Variants in POLR2F observed in about 807,000 individuals in gnomAD.
POLR2F encodes the protein DNA-directed RNA polymerases I, II, and III subunit RPABC2.
Under a neutral mutation model 22.7 loss-of-function variants are expected in POLR2F, and 12 were observed. That is an observed-to-expected ratio of 0.53 (90% CI 0.34 to 0.86). The LOEUF (loss-of-function observed/expected upper bound fraction) is 0.86, where lower values mean the gene tolerates loss of function less well. POLR2F is among the 40% of genes least tolerant of loss of function. The probability of loss-of-function intolerance (pLI) is 0.02; values close to 1 mark genes in which losing one functional copy is unlikely to be tolerated. For synonymous variants in POLR2F, 57 were observed against 66.0 expected (o/e 0.86, Z 0.66); for missense variants, 126 against 171.5 (o/e 0.73, Z 1.48).
chr22:38,004,602 T>C (rs1347705379), intron 1 of POLR2F, among the ~76,000 whole-genome samples: 1 of 151,938 alleles, frequency 6.6e-6, no homozygotes, highest in African/African-American at 2.4e-5. Flanking sequence ...ACTGGCTAAC[T>C]TGATTACCTC....
At chr22:38,037,590 T>G (rs933743015) in intron 5 of POLR2F, among the ~76,000 whole-genome samples, 1 of 131,346 alleles carries the variant, frequency 7.6e-6, no homozygotes, top group Non-Finnish European at 1.6e-5. Flanking sequence ...GGCCTCTTCC[T>G]ATCTCCTTTT....
At chr22:38,026,823 G>T (rs865903810), downstream of POLR2F, 1 of 97,764 alleles carries the variant, frequency 1.0e-5, no homozygotes, top group Non-Finnish European at 2.3e-5. Flanking sequence ...CCACCACACC[G>T]CCCACCGCCC....
chr22:38,001,694 G>A (rs2084771587), intron 1 of POLR2F, among the ~76,000 whole-genome samples: 1 of 151,964 alleles, frequency 6.6e-6, no homozygotes, highest in Non-Finnish European at 1.5e-5. Flanking sequence ...CACTATGCCT[G>A]ACTAATTTTT....
rs117973081 is a variant in POLR2F at position 38,006,949 on chromosome 22, C to A, written c.121-18920C>A. Among the ~76,000 whole-genome samples, 176 of 152,310 alleles carry A rather than the reference C, an allele frequency of 1.2e-3. 2 individuals are homozygous for A. The East Asian group carries it at 0.028, about 25-fold the overall frequency. On this transcript the variant is annotated intron_variant, in intron 1 of 2. Transcript: ENST00000333418. ...GTCCAAGTTTCCAGAGTGCACCCTG[C>A]ATCTGTCTTCTTGTAGAGCTTCTGG...
At chr22:37,999,994 G>T (rs776373534) in intron 1 of POLR2F, among the ~76,000 whole-genome samples, 1 of 152,152 alleles carries the variant, frequency 6.6e-6, no homozygotes, top group African/African-American at 2.4e-5. Flanking sequence ...TAGGCGAATC[G>T]CAGGGATCCC....
intron 3 of POLR2F, among the ~76,000 whole-genome samples, chr22:37,960,539 A>T (rs2145736987): frequency 6.6e-6 from 1 of 152,222 alleles, no homozygotes; most frequent in Middle Eastern, 3.4e-3. Context: ...CTGGGACTAC[A>T]GGCGCCCGCC....
chr22:37,972,266 G>C, downstream of POLR2F: 3 of 1,301,232 alleles, frequency 2.3e-6, no homozygotes, highest in Non-Finnish European at 3.0e-6. Context: ...CACCAGTACA[G>C]GGATAAGAGA....
At chr22:38,008,476 T>C (rs6000972) in intron 1 of POLR2F, among the ~76,000 whole-genome samples, 2,281 of 141,660 alleles carry the variant, frequency 0.016, 63 homozygotes, top group African/African-American at 0.057. Flanking sequence ...ACCTGGGAGG[T>C]GGAGGTTGCA....
upstream of POLR2F, chr22:37,983,419 G>C (rs766382685): frequency 1.9e-6 from 3 of 1,611,292 alleles, no homozygotes; most frequent in Non-Finnish European, 2.5e-6. This position sits in a 1 kb window ranked among gnomAD's most constrained non-coding sequence, Gnocchi z 9.5. Flanking sequence ...ACTGGTCCGC[G>C]AGCTTCCTGC....
chr22:38,006,293 G>GGGCAGCGAACCAGTGAGCGA (rs2084820651), intron 1 of POLR2F, among the ~76,000 whole-genome samples: 1 of 152,216 alleles, frequency 6.6e-6, no homozygotes, highest in Non-Finnish European at 1.5e-5. Context: ...GACATATGGA[G>GGGCAGCGAACCAGTGAGCGA]GGCAGCGAAC....
chr22:38,020,614 C>T (rs111638436), intron 1 of POLR2F, among the ~76,000 whole-genome samples: 3,798 of 151,334 alleles, frequency 0.025, 154 homozygotes, highest in African/African-American at 0.087. Flanking sequence ...TGGTGATGCA[C>T]ACCTGTAGTC....
At chr22:38,027,659 C>G (rs1442244651), downstream of POLR2F, among the ~76,000 whole-genome samples, 1 of 152,152 alleles carries the variant, frequency 6.6e-6, no homozygotes, top group African/African-American at 2.4e-5. Context: ...CACCCAGAAA[C>G]AAATGCTCAT....
intron 1 of POLR2F, among the ~76,000 whole-genome samples, chr22:38,011,253 A>C (rs1332573556): frequency 6.6e-6 from 1 of 150,830 alleles, no homozygotes. Context: ...AGGCATTCGC[A>C]CCATGCCTAG....
At chr22:37,972,392 C>A, downstream of POLR2F, 1 of 419,322 alleles carries the variant, frequency 2.4e-6, no homozygotes, top group South Asian at 1.9e-5. Context: ...GAGGGGACTA[C>A]TGAGATAAAT....
chr22:37,982,958 A>G (rs1162088103), upstream of POLR2F, among the ~76,000 whole-genome samples: 1 of 152,216 alleles, frequency 6.6e-6, no homozygotes. Context: ...ATCTCCAGCC[A>G]ACCCTTTGGT....
At chr22:38,041,170 G>A, downstream of POLR2F, 2 of 1,610,442 alleles carry the variant, frequency 1.2e-6, no homozygotes, top group Non-Finnish European at 1.7e-6. Context: ...GACTAGTGCT[G>A]GTGGTGGGGA....
At chr22:38,023,696 G>A (rs1033980942) in intron 1 of POLR2F, among the ~76,000 whole-genome samples, 10 of 151,728 alleles carry the variant, frequency 6.6e-5, no homozygotes, top group Admixed American at 3.3e-4. Context: ...TTTTTGGGAT[G>A]GAGTCTGGCT....
intron 1 of POLR2F, among the ~76,000 whole-genome samples, chr22:38,014,346 T>C (rs879843850): frequency 3.3e-5 from 5 of 150,792 alleles, no homozygotes; most frequent in Admixed American, 6.6e-5. Context: ...CTAGGACTTA[T>C]TTTTTTTATT....
chr22:38,010,806 G>A lies in POLR2F; in HGVS notation c.121-15063G>A, dbSNP rs533632257. Among the ~76,000 whole-genome samples the A allele has an allele frequency of 1.3e-4, 19 of 151,904 alleles. No individual in the cohort carries two copies. In the East Asian group the frequency reaches 3.5e-3, roughly 28 times the overall value. ...TAATTTTTGTATTTTTATTAGAGACGGGGTTTCGCCATGCAGGCCAGGCTG... is the reference window on the plus strand; with the variant it reads ...TAATTTTTGTATTTTTATTAGAGACAGGGTTTCGCCATGCAGGCCAGGCTG... On this transcript the variant is annotated intron_variant, in intron 1 of 2. Coordinates refer to the POLR2F transcript ENST00000333418.
Sources: gnomAD v4.1 joint callset for allele counts (sites outside exome capture counted in the v4.1 genomes callset) on GRCh38, gnomAD v4.1.1 for gene constraint, Gnocchi (gnomAD v3.1) non-coding constraint, MANE v1.5 for transcripts, NCBI Gene and HGNC (gene_info 2026-07-23, HGNC 2026-07-21) for gene names.